Variants in ANK3 observed in about 807,000 individuals in gnomAD.
ANK3 encodes the protein ankyrin-3.
Under a neutral mutation model 370.9 loss-of-function variants are expected in ANK3, and 57 were observed. That is an observed-to-expected ratio of 0.15 (90% CI 0.12 to 0.19). The LOEUF is 0.19. ANK3 is among the 10% of genes least tolerant of loss of function. The pLI, the probability that ANK3 is intolerant of heterozygous loss-of-function variation, is 1.00. For missense variants in ANK3, 4,439 were observed against 5,302.1 expected, an observed-to-expected ratio of 0.84 and a Z score of 5.06; for synonymous variants, 1,929 against 1,946.3, an observed-to-expected ratio of 0.99 and a Z score of 0.23.
intron 26 of ANK3, among the ~76,000 whole-genome samples, chr10:60,109,719 CTT>C (rs2092542767): frequency 6.6e-6 from 1 of 152,236 alleles, no homozygotes; most frequent in South Asian, 2.1e-4. Flanking sequence ...GGAACTTAGA[CTT>C]TTAGAAAATG....
At position 60,069,755 on chromosome 10, in the gene ANK3, G is replaced by C; in HGVS notation, c.11126C>G (p.Thr3709Ser). 1 of 1,613,932 alleles carries C rather than the reference G, an allele frequency of 6.2e-7. No homozygotes were observed. The highest frequency in any genetic ancestry group is 1.1e-5 in the South Asian group (1 of 91,030). Residue 3709 changes from threonine (T) to serine (S), a missense_variant, in exon 37 of 44, where the codon ACT becomes AGT. Transcript: ENST00000280772. ...CTTGGGGTCAACTTTAGAGGTGTTA[G>C]TGGCTGCTGCTGATTTCTCCAGGGA... Reference protein sequence around the residue: ...SGSLEKSAAATNTSKVDPKLR... With the variant: ...SGSLEKSAAASNTSKVDPKLR...
intron 2 of ANK3, among the ~76,000 whole-genome samples, chr10:60,434,079 A>C (rs1182274940): frequency 6.6e-6 from 1 of 152,228 alleles, no homozygotes; most frequent in Admixed American, 6.5e-5. Flanking sequence ...ACAAGCAACT[A>C]ATTTTAGAAT....
At chr10:60,469,685 G>A (rs2065165966) in intron 2 of ANK3, among the ~76,000 whole-genome samples, 1 of 88,628 alleles carries the variant, frequency 1.1e-5, no homozygotes, top group Non-Finnish European at 2.3e-5. Flanking sequence ...ATATATGGTG[G>A]TATATATATA....
At chr10:60,217,003 C>T (rs1350859583) in intron 8 of ANK3, among the ~76,000 whole-genome samples, 10 of 151,866 alleles carry the variant, frequency 6.6e-5, no homozygotes, top group Admixed American at 2.6e-4. Context: ...TGAGGGTATA[C>T]GTGTCCAGGA....
intron 1 of ANK3, among the ~76,000 whole-genome samples, chr10:60,687,533 A>ACACACACACAC (rs375712984): frequency 4.4e-5 from 3 of 68,508 alleles, no homozygotes; most frequent in African/African-American, 1.4e-4. Flanking sequence ...GGTATAAAAA[A>ACACACACACAC]AAACACACAC....
Position 60,075,955 on chromosome 10 carries a change from T to A in ANK3, c.4926A>T (p.Thr1642=). Reference sequence around the variant, plus strand: ...TGTTTGATTTGGGGGAGGCAGGGGGTGTCATAGTAATTGATGACCTCTCCA... The same window carrying A: ...TGTTTGATTTGGGGGAGGCAGGGGGAGTCATAGTAATTGATGACCTCTCCA... ...SLLERSSITM[T]PPASPKSNIN... is the part of the protein sequence containing the mutation. Residue 1642 remains threonine, a synonymous_variant, in exon 37 of 44, where the codon ACA becomes ACT. Coordinates refer to ENST00000280772, the MANE Select transcript of ANK3 (RefSeq NM_020987.5). 1 of 1,614,010 alleles carries A rather than the reference T, an allele frequency of 6.2e-7. No homozygotes were observed. Among genetic ancestry groups the A allele is most frequent in the Non-Finnish European group, 8.5e-7 (1 of 1,179,980 alleles).
chr10:60,413,052 C>T (rs573955338), intron 2 of ANK3, among the ~76,000 whole-genome samples: 1 of 152,204 alleles, frequency 6.6e-6, no homozygotes, highest in Non-Finnish European at 1.5e-5. Flanking sequence ...TAAAACCTGA[C>T]TTTACAAAAC....
rs149052618 is a variant in ANK3, at chr10:60,084,692, C to T, written c.3984G>A (p.Leu1328=). 6.4e-4 allele frequency: 1,030 copies of T among 1,613,852 alleles called. 10 individuals carry two copies. In the African/African-American group the frequency reaches 0.012, roughly 19 times the overall value. ...AKMNDPVESS[L]RCFCMTDDKV... ...TGTCATCTGTCATGCAGAAACATCG[C>T]AAGGAAGATTCTACGGGATCATTCA... The change falls in exon 32 of 44, where the codon TTG becomes TTA. Residue 1328 remains leucine, a synonymous_variant. Coordinates refer to ENST00000280772, the MANE Select transcript of ANK3 (RefSeq NM_020987.5).
intron 8 of ANK3, among the ~76,000 whole-genome samples, chr10:60,215,910 T>C (rs2096929367): frequency 1.3e-5 from 2 of 152,222 alleles, no homozygotes; most frequent in Non-Finnish European, 2.9e-5. Flanking sequence ...TTGATGGGAA[T>C]AGCATTGAAT....
chr10:60,495,798 G>A (rs752968245), intron 2 of ANK3, among the ~76,000 whole-genome samples: 24 of 152,110 alleles, frequency 1.6e-4, no homozygotes, highest in Non-Finnish European at 3.4e-4. Flanking sequence ...GTTAAAAGAT[G>A]TCAGCCCTCA....
chr10:60,691,905 A>G lies in ANK3; in HGVS notation c.57+41358T>C, dbSNP rs1039469101. On this transcript the variant is annotated intron_variant, in intron 1 of 43. Coordinates refer to the ANK3 transcript ENST00000373827. Reference sequence around the variant, plus strand: ...ATGCATATACACGTGTACCTGTGCCAAAAACTGATTTCCACCAGGAAAAGA... The same window carrying G: ...ATGCATATACACGTGTACCTGTGCCGAAAACTGATTTCCACCAGGAAAAGA... Among the ~76,000 whole-genome samples the G allele has an allele frequency of 2.0e-5, 3 of 152,298 alleles. No individual in the cohort carries two copies. The East Asian group carries it at 5.8e-4, about 29-fold the overall frequency.
At chr10:60,154,016 G>T (rs2132257422) in intron 23 of ANK3, among the ~76,000 whole-genome samples, 1 of 152,236 alleles carries the variant, frequency 6.6e-6, no homozygotes, top group East Asian at 1.9e-4. Context: ...CAGTATACTA[G>T]GTTCTTGCGA....
intron 1 of ANK3, among the ~76,000 whole-genome samples, chr10:60,334,357 C>T (rs2052247792): frequency 6.6e-6 from 1 of 152,192 alleles, no homozygotes; most frequent in Admixed American, 6.6e-5. Context: ...AAAGCCACCA[C>T]ACCACAATCC....
intron 2 of ANK3, among the ~76,000 whole-genome samples, chr10:60,590,911 C>T (rs1281589329): frequency 6.6e-6 from 1 of 152,096 alleles, no homozygotes; most frequent in South Asian, 2.1e-4. Context: ...TTTCAATCCA[C>T]AGTTTGTTGA....
rs72806121 is a variant in ANK3, at chr10:60,379,779, G to C, written c.114+9646C>G. On this transcript the variant is annotated intron_variant, in intron 1 of 43. Coordinates refer to ENST00000280772, the MANE Select transcript of ANK3 (RefSeq NM_020987.5). ...GATACAAAATTACAGCTAGATAAGGGGAGTAAGTTCTAGTATTCTGTATCA... is the reference window on the plus strand; with the variant it reads ...GATACAAAATTACAGCTAGATAAGGCGAGTAAGTTCTAGTATTCTGTATCA... 7.9e-3 allele frequency among the ~76,000 whole-genome samples: 1,202 copies of C among 152,110 alleles called. 4 individuals carry two copies. Among genetic ancestry groups the C allele is most frequent in the South Asian group, 0.011 (55 of 4,804 alleles).
Position 60,705,523 on chromosome 10 carries a change from C to T in ANK3, c.57+27740G>A, listed in dbSNP as rs867777212. Among the ~76,000 whole-genome samples, 11 of 152,302 alleles carry T rather than the reference C, an allele frequency of 7.2e-5. No individual in the cohort carries two copies. In the South Asian group the frequency reaches 1.4e-3, roughly 20 times the overall value. ...AGTTATGATGAAACTAACTCAGGCA[C>T]TGGTTCCAAAGTCTATGTCCTTAAT... On this transcript the variant is annotated intron_variant, in intron 1 of 43. Transcript: ENST00000373827.
chr10:60,594,187 C>T (rs553588619), intron 2 of ANK3, among the ~76,000 whole-genome samples: 17 of 152,158 alleles, frequency 1.1e-4, no homozygotes, highest in African/African-American at 4.1e-4. Context: ...GTTCATCTAC[C>T]CATATAGAAA....
intron 28 of ANK3, among the ~76,000 whole-genome samples, chr10:60,091,381 C>T (rs1178627351): frequency 6.6e-6 from 1 of 152,164 alleles, no homozygotes; most frequent in East Asian, 1.9e-4. Context: ...GAGCACTGAT[C>T]TAGTCACTGG....
At chr10:60,382,891 A>G (rs1045188395) in intron 1 of ANK3, among the ~76,000 whole-genome samples, 2 of 151,210 alleles carry the variant, frequency 1.3e-5, no homozygotes, top group East Asian at 1.9e-4. Context: ...GCAGAAGTAC[A>G]CTAAGTATAA....
Sources: gnomAD v4.1 joint callset for allele counts (sites outside exome capture counted in the v4.1 genomes callset) on GRCh38, gnomAD v4.1.1 for gene constraint, MANE v1.5 for transcripts, NCBI Gene and HGNC (gene_info 2026-07-23, HGNC 2026-07-21) for gene names.